The following SCFD2 variants were observed in gnomAD, a reference collection of about 807,000 sequenced individuals.
SCFD2 encodes the protein sec1 family domain containing 2.
In SCFD2, 54 loss-of-function variants were observed where a neutral mutation model predicts 58.9. The observed-to-expected ratio is 0.92, with a 90% CI of 0.74 to 1.15. The LOEUF is 1.15. SCFD2 is among the 50% of genes most tolerant of loss of function. The pLI is 0.00. For synonymous variants in SCFD2, 321 were observed against 335.9 expected (o/e 0.96, Z 0.49); for missense variants, 805 against 836.6 (o/e 0.96, Z 0.47).
chr4:53,197,603 G>T (rs748279366), intron 4 of SCFD2, among the ~76,000 whole-genome samples: 5 of 151,872 alleles, frequency 3.3e-5, no homozygotes, highest in Non-Finnish European at 7.4e-5. Flanking sequence ...TATTGAAAAA[G>T]TCTGTCCAAC....
chr4:53,020,503 A>T (rs1171731503), intron 5 of SCFD2, among the ~76,000 whole-genome samples: 1 of 152,206 alleles, frequency 6.6e-6, no homozygotes, highest in Non-Finnish European at 1.5e-5. Flanking sequence ...ATCCCCATCC[A>T]GTCAGTCACT....
chr4:52,895,809 C>G (rs1577805936), intron 7 of SCFD2, among the ~76,000 whole-genome samples: 1 of 152,170 alleles, frequency 6.6e-6, no homozygotes, highest in Admixed American at 6.5e-5. Context: ...TTCTCCACAT[C>G]CTCTCTAGCA....
intron 2 of SCFD2, among the ~76,000 whole-genome samples, chr4:53,334,372 C>G (rs1214092303): frequency 2.0e-5 from 3 of 152,012 alleles, no homozygotes; most frequent in Non-Finnish European, 2.9e-5. Flanking sequence ...CAATGACAGA[C>G]TGGATTAAGA....
intron 3 of SCFD2, among the ~76,000 whole-genome samples, chr4:53,285,451 G>A (rs1365315557): frequency 6.6e-6 from 1 of 151,720 alleles, no homozygotes; most frequent in East Asian, 1.9e-4. Flanking sequence ...ATTCTCTCAG[G>A]ATTTAAAAAC....
At chr4:53,080,458 C>T (rs1181245163) in intron 5 of SCFD2, among the ~76,000 whole-genome samples, 3 of 152,024 alleles carry the variant, frequency 2.0e-5, no homozygotes, top group African/African-American at 4.8e-5. Flanking sequence ...CATTGAAGAC[C>T]TTATGCTAAA....
At chr4:53,060,121 C>A (rs766635141) in intron 5 of SCFD2, among the ~76,000 whole-genome samples, 1 of 152,070 alleles carries the variant, frequency 6.6e-6, no homozygotes, top group Non-Finnish European at 1.5e-5. Context: ...TAGGCCAAGA[C>A]AATATGTCTT....
chr4:53,310,236 A>AGAAC (rs1159799610), intron 3 of SCFD2, among the ~76,000 whole-genome samples: 1 of 152,218 alleles, frequency 6.6e-6, no homozygotes, highest in Middle Eastern at 3.2e-3. Flanking sequence ...CATCAAGCAT[A>AGAAC]GAACACTCTT....
At chr4:52,935,962 C>A (rs544384607) in intron 5 of SCFD2, among the ~76,000 whole-genome samples, 1 of 152,060 alleles carries the variant, frequency 6.6e-6, no homozygotes, top group Non-Finnish European at 1.5e-5. Flanking sequence ...CTCAGCCTCC[C>A]GAGTAGCTGG....
intron 4 of SCFD2, among the ~76,000 whole-genome samples, chr4:53,241,423 G>C (rs1729889101): frequency 6.6e-6 from 1 of 152,192 alleles, no homozygotes; most frequent in African/African-American, 2.4e-5. Context: ...GCACCCCTCA[G>C]TGTGCTGGCC....
intron 2 of SCFD2, among the ~76,000 whole-genome samples, chr4:53,314,870 C>G (rs1732808932): frequency 6.6e-6 from 1 of 152,136 alleles, no homozygotes; most frequent in African/African-American, 2.4e-5. Flanking sequence ...TACTGCTCAA[C>G]ATACTCCACT....
intron 4 of SCFD2, among the ~76,000 whole-genome samples, chr4:53,242,478 T>C (rs1416894881): frequency 7.1e-6 from 1 of 140,930 alleles, no homozygotes; most frequent in Non-Finnish European, 1.6e-5. Flanking sequence ...GGAAAAAAAA[T>C]CCAAAGGACA....
intron 5 of SCFD2, among the ~76,000 whole-genome samples, chr4:53,108,135 T>C (rs1415806506): frequency 3.3e-5 from 5 of 151,984 alleles, no homozygotes; most frequent in Non-Finnish European, 7.4e-5. Flanking sequence ...GGGTAAATAA[T>C]GAAATTAAGG....
chr4:53,314,170 G>A (rs1321659440), intron 2 of SCFD2, among the ~76,000 whole-genome samples: 1 of 152,130 alleles, frequency 6.6e-6, no homozygotes, highest in Non-Finnish European at 1.5e-5. Context: ...ATATCAATTC[G>A]AGATTAAATA....
chr4:52,944,960 A>C (rs1720386629), intron 5 of SCFD2, among the ~76,000 whole-genome samples: 1 of 152,342 alleles, frequency 6.6e-6, no homozygotes, highest in African/African-American at 2.4e-5. Context: ...AGACTAAATT[A>C]ATAATATGGA....
At chr4:53,155,259 A>G (rs1470527281) in intron 4 of SCFD2, among the ~76,000 whole-genome samples, 1 of 152,176 alleles carries the variant, frequency 6.6e-6, no homozygotes, top group Non-Finnish European at 1.5e-5. Flanking sequence ...TGCTATTGTA[A>G]CAGTATTAAG....
chr4:52,938,506 T>C (rs1720201161), intron 5 of SCFD2, among the ~76,000 whole-genome samples: 1 of 152,196 alleles, frequency 6.6e-6, no homozygotes, highest in Admixed American at 6.5e-5. Flanking sequence ...ACCTACGAGT[T>C]ACTTAGAAAC....
At chr4:53,122,893 A>G (rs995068929) in intron 5 of SCFD2, among the ~76,000 whole-genome samples, 7 of 151,814 alleles carry the variant, frequency 4.6e-5, no homozygotes, top group African/African-American at 1.5e-4. Flanking sequence ...ATTATTTTTC[A>G]TGTTTTCTAT....
intron 5 of SCFD2, among the ~76,000 whole-genome samples, chr4:53,084,933 C>A (rs1417169947): frequency 6.6e-6 from 1 of 152,186 alleles, no homozygotes; most frequent in Non-Finnish European, 1.5e-5. Flanking sequence ...TGGTATCATG[C>A]TGAATGGTGA....
At chr4:53,168,162 A>C in intron 4 of SCFD2, among the ~76,000 whole-genome samples, 1 of 152,234 alleles carries the variant, frequency 6.6e-6, no homozygotes, top group Non-Finnish European at 1.5e-5. Flanking sequence ...GCCTTGGGGA[A>C]ACTACTGGCT....
Sources: gnomAD v4.1 joint callset for allele counts (sites outside exome capture counted in the v4.1 genomes callset) on GRCh38, gnomAD v4.1.1 for gene constraint, MANE v1.5 for transcripts, NCBI Gene and HGNC (gene_info 2026-07-23, HGNC 2026-07-21) for gene names.